The following GALK2 variants were observed in gnomAD, a reference collection of about 807,000 sequenced individuals.
GALK2 encodes the protein galactokinase 2.
Under a neutral mutation model 52.4 loss-of-function variants are expected in GALK2, and 36 were observed. That is an observed-to-expected ratio of 0.69 (90% CI 0.53 to 0.91). GALK2 has a LOEUF of 0.91. Ranked by LOEUF, GALK2 falls within the 40% of genes least tolerant of loss-of-function variation. GALK2 has a pLI of 0.00. For synonymous variants in GALK2, 176 were observed against 199.1 expected, an observed-to-expected ratio of 0.88 and a Z score of 0.98; for missense variants, 579 against 559.1, an observed-to-expected ratio of 1.04 and a Z score of -0.36.
intron 3 of GALK2, among the ~76,000 whole-genome samples, chr15:49,359,863 G>C (rs1262710929): frequency 7.0e-6 from 1 of 143,658 alleles, no homozygotes; most frequent in Non-Finnish European, 1.5e-5. Context: ...TGATAGACTG[G>C]ATTAAGAAAA....
At chr15:49,273,247 T>C (rs201836081) in intron 5 of GALK2, among the ~76,000 whole-genome samples, 1 of 152,052 alleles carries the variant, frequency 6.6e-6, no homozygotes, top group East Asian at 1.9e-4. Context: ...GTTTCTACAT[T>C]TTTGCAGATT....
chr15:49,195,771 G>A (rs2087169484), intron 1 of GALK2, among the ~76,000 whole-genome samples: 1 of 151,932 alleles, frequency 6.6e-6, no homozygotes, highest in Admixed American at 6.6e-5. Flanking sequence ...GGTAGAGCCA[G>A]GGAGAGGATT....
At chr15:49,186,550 T>C (rs192030914) in intron 1 of GALK2, among the ~76,000 whole-genome samples, 46 of 149,744 alleles carry the variant, frequency 3.1e-4, no homozygotes, top group African/African-American at 9.1e-4. Flanking sequence ...TTCTTTTTTT[T>C]TTTTTTTTGA....
At chr15:49,192,475 ATATATATATG>A (rs1335041910) in intron 1 of GALK2, among the ~76,000 whole-genome samples, 1 of 102,086 alleles carries the variant, frequency 9.8e-6, no homozygotes, top group South Asian at 3.2e-4. Flanking sequence ...AATGAATATT[ATATATATATG>A]TATATATATA....
At chr15:49,258,064 A>G (rs1376469280) in intron 5 of GALK2, among the ~76,000 whole-genome samples, 1 of 151,946 alleles carries the variant, frequency 6.6e-6, no homozygotes, top group African/African-American at 2.4e-5. Context: ...AGGAAAATAA[A>G]ATCTTTGTAT....
At chr15:49,163,625 C>T (rs1247685784) in intron 1 of GALK2, among the ~76,000 whole-genome samples, 1 of 152,178 alleles carries the variant, frequency 6.6e-6, no homozygotes, top group African/African-American at 2.4e-5. Flanking sequence ...TGTCAAAAAT[C>T]CAATGACAGT....
chr15:49,176,286 G>T (rs181220007), intron 1 of GALK2, among the ~76,000 whole-genome samples: 1 of 152,308 alleles, frequency 6.6e-6, no homozygotes, highest in Admixed American at 6.5e-5. Context: ...CAATCAATAG[G>T]TTATGCTATT....
intron 1 of GALK2, among the ~76,000 whole-genome samples, chr15:49,192,483 ATG>A (rs1263833607): frequency 4.6e-5 from 3 of 65,226 alleles, no homozygotes; most frequent in African/African-American, 6.0e-5. Flanking sequence ...TTATATATAT[ATG>A]TATATATATA....
At chr15:49,359,623 AC>A (rs2043823704) in intron 3 of GALK2, among the ~76,000 whole-genome samples, 1 of 125,600 alleles carries the variant, frequency 8.0e-6, no homozygotes. Flanking sequence ...AAATAGGAAC[AC>A]TTTTACACTG....
chr15:49,307,751 A>G (rs552616523), intron 8 of GALK2, among the ~76,000 whole-genome samples: 1 of 152,238 alleles, frequency 6.6e-6, no homozygotes, highest in South Asian at 2.1e-4. Context: ...AGCCATAAAC[A>G]TGAGGAGCAC....
intron 8 of GALK2, among the ~76,000 whole-genome samples, chr15:49,296,981 G>C (rs2034538165): frequency 6.6e-6 from 1 of 152,158 alleles, no homozygotes. Flanking sequence ...TGGTAGTTCT[G>C]TTTTAAGTTC....
chr15:49,194,282 G>T (rs1375941104), intron 1 of GALK2: 1 of 151,948 alleles, frequency 6.6e-6, no homozygotes. Context: ...GTCGAGATCC[G>T]CCACTGCACT....
Position 49,329,379 on chromosome 15 carries a change from G to GAGAT in GALK2, c.*1223_*1226dup, listed in dbSNP as rs1438481927. 3 of 985,174 alleles carry GAGAT rather than the reference G, an allele frequency of 3.0e-6. No homozygotes were observed. The African/African-American group carries it at 5.2e-5, about 17-fold the overall frequency. The allele number at this position is 985,174 out of a possible 1,614,324, so 61.0% of individuals were successfully genotyped here. A position where few individuals can be genotyped will look rare whatever the true frequency, so the allele number is the denominator to read the frequency against. On this transcript the variant is annotated 3_prime_UTR_variant, in exon 10 of 10. Transcript: ENST00000560031. ...ATTTTGCTGAAATACTCAGGTAATT[G>GAGAT]AGATAGCAATGGTTTTATGGCATGA...
In GALK2 at chr15:49,302,758, A is replaced by G. The variant is rs149032963; in HGVS notation, c.967+10221A>G. Among the ~76,000 whole-genome samples the G allele has an allele frequency of 2.3e-3, 344 of 152,318 alleles. 2 individuals carry two copies. Among genetic ancestry groups the G allele is most frequent in the African/African-American group, 7.9e-3 (330 of 41,582 alleles). ...TCCATAGAAAGCTAGACGAAACTCC[A>G]AAGGAAGTTTTAGACCCTTCTAGAG... On this transcript the variant is annotated intron_variant, in intron 8 of 9. Transcript: ENST00000560031.
intron 4 of GALK2, among the ~76,000 whole-genome samples, chr15:49,236,607 A>G (rs2090821169): frequency 6.6e-6 from 1 of 152,268 alleles, no homozygotes; most frequent in African/African-American, 2.4e-5. Context: ...TAATTGAAAA[A>G]GTATCAAGGA....
intron 5 of GALK2, among the ~76,000 whole-genome samples, chr15:49,251,179 T>C (rs2091583341): frequency 1.3e-5 from 2 of 152,168 alleles, no homozygotes; most frequent in Non-Finnish European, 2.9e-5. Flanking sequence ...TACAAAAAAT[T>C]CTGAACAAAA....
chr15:49,170,049 C>T (rs1240263644), upstream of GALK2: 3 of 529,676 alleles, frequency 5.7e-6, no homozygotes, highest in South Asian at 8.5e-5. Flanking sequence ...CGCAGGGGCT[C>T]CTGCGAGGCC....
Position 49,319,938 on chromosome 15 carries a change from A to G in GALK2, c.1169+133A>G, listed in dbSNP as rs960334651. 13 of 737,072 alleles carry G rather than the reference A, an allele frequency of 1.8e-5. No homozygotes were observed. In the South Asian group the frequency reaches 2.2e-4, roughly 13 times the overall value. The allele number at this position is 737,072 out of a possible 1,614,324, so 45.7% of individuals were successfully genotyped here. On this transcript the variant is annotated intron_variant, in intron 9 of 9. Transcript: ENST00000560031. Reference sequence around the variant, plus strand: ...CTTCCTATATGAGGAGTCTCTGATGATACAGAGCTACACTTGTTCCCTTCT... The same window carrying G: ...CTTCCTATATGAGGAGTCTCTGATGGTACAGAGCTACACTTGTTCCCTTCT...
rs572780666 is a variant in GALK2 at position 49,280,070 on chromosome 15, C to T, written c.505-1917C>T. 1.1e-4 allele frequency among the ~76,000 whole-genome samples: 16 copies of T among 152,246 alleles called. No homozygotes were observed. The South Asian group carries it at 1.7e-3, about 16-fold the overall frequency. The stretch of plus-strand genomic sequence containing the variant: ...TGTTTATTAATATTTACTATGTGTT[C>T]GGCATTATGTGAAGTAGGGGACACA... On this transcript the variant is annotated intron_variant, in intron 5 of 9. Coordinates refer to ENST00000560031, the MANE Select transcript of GALK2 (RefSeq NM_002044.4).
Sources: gnomAD v4.1 joint callset for allele counts (sites outside exome capture counted in the v4.1 genomes callset) on GRCh38, gnomAD v4.1.1 for gene constraint, MANE v1.5 for transcripts, NCBI Gene and HGNC (gene_info 2026-07-23, HGNC 2026-07-21) for gene names.